The following KCNQ5 variants were observed in gnomAD, a reference collection of about 807,000 sequenced individuals.
KCNQ5 encodes the protein potassium voltage-gated channel subfamily Q member 5.
Under a neutral mutation model 98.2 loss-of-function variants are expected in KCNQ5, and 30 were observed. The ratio of observed to expected loss-of-function variants is 0.31; its 90% confidence interval spans 0.23 to 0.41. KCNQ5 has a LOEUF of 0.41. Among genes scored for constraint, KCNQ5 ranks in the 10% least tolerant of loss-of-function variants. KCNQ5 has a pLI of 1.00. For missense variants in KCNQ5, 835 were observed against 1,182.5 expected, an observed-to-expected ratio of 0.71 and a Z score of 4.31; for synonymous variants, 458 against 449.4, an observed-to-expected ratio of 1.02 and a Z score of -0.24.
At chr6:73,187,935 C>T (rs78569208) in intron 11 of KCNQ5, among the ~76,000 whole-genome samples, 4,664 of 152,086 alleles carry the variant, frequency 0.031, 90 homozygotes, top group East Asian at 0.068. Flanking sequence ...AACATCCCAC[C>T]AAGAAAAAAT....
chr6:73,153,904 T>A (rs1387438559), intron 10 of KCNQ5, among the ~76,000 whole-genome samples: 6 of 147,634 alleles, frequency 4.1e-5, no homozygotes, highest in South Asian at 2.1e-4. Context: ...TCAATTCCAC[T>A]AAAAAAAAAA....
chr6:72,735,953 G>C (rs774415064), intron 1 of KCNQ5, among the ~76,000 whole-genome samples: 5 of 151,948 alleles, frequency 3.3e-5, no homozygotes, highest in Non-Finnish European at 5.9e-5. Context: ...TTTTATGGCA[G>C]AATGTGTATA....
chr6:72,954,671 A>T (rs1241640001), intron 1 of KCNQ5, among the ~76,000 whole-genome samples: 1 of 152,098 alleles, frequency 6.6e-6, no homozygotes, highest in Non-Finnish European at 1.5e-5. Context: ...GGGTGGCAGG[A>T]ATTTAAGTTG....
chr6:72,834,761 T>C (rs1023886965), intron 1 of KCNQ5, among the ~76,000 whole-genome samples: 3 of 152,130 alleles, frequency 2.0e-5, no homozygotes, highest in Non-Finnish European at 4.4e-5. Flanking sequence ...CATGCATGTG[T>C]AACTTCCATT....
intron 1 of KCNQ5, among the ~76,000 whole-genome samples, chr6:72,832,487 G>A (rs1428545082): frequency 1.3e-5 from 2 of 152,062 alleles, no homozygotes; most frequent in Non-Finnish European, 2.9e-5. Context: ...TCATGCACGG[G>A]ACAGCCCCAC....
intron 1 of KCNQ5, among the ~76,000 whole-genome samples, chr6:72,867,793 A>G (rs564097170): frequency 6.6e-6 from 1 of 151,828 alleles, no homozygotes; most frequent in East Asian, 1.9e-4. Flanking sequence ...AAATTAACCA[A>G]GTACAGTGGG....
chr6:72,632,092 C>T (rs929244994), intron 1 of KCNQ5, among the ~76,000 whole-genome samples: 1 of 151,806 alleles, frequency 6.6e-6, no homozygotes, highest in Non-Finnish European at 1.5e-5. Flanking sequence ...TATTTTATTT[C>T]CTTTACTTTG....
intron 1 of KCNQ5, among the ~76,000 whole-genome samples, chr6:72,820,217 C>T (rs4615346): frequency 6.6e-6 from 1 of 152,006 alleles, no homozygotes; most frequent in East Asian, 1.9e-4. Context: ...GAGGACCTCA[C>T]GGTTCCAATT....
chr6:73,132,639 T>G (rs1776281527), intron 9 of KCNQ5, among the ~76,000 whole-genome samples: 1 of 152,224 alleles, frequency 6.6e-6, no homozygotes, highest in African/African-American at 2.4e-5. Context: ...CCACAACAAT[T>G]TGATCTTAGC....
At chr6:72,916,658 C>T (rs985115140) in intron 1 of KCNQ5, among the ~76,000 whole-genome samples, 8 of 152,258 alleles carry the variant, frequency 5.3e-5, no homozygotes, top group East Asian at 1.9e-4. Context: ...GTCAGTTCCA[C>T]GGGGGTAGAA....
intron 3 of KCNQ5, among the ~76,000 whole-genome samples, chr6:73,060,784 T>C (rs1330819194): frequency 6.6e-6 from 1 of 152,094 alleles, no homozygotes; most frequent in Non-Finnish European, 1.5e-5. Flanking sequence ...ACATACCCAG[T>C]CTCACTCATA....
At chr6:72,985,033 T>A (rs965069022) in intron 1 of KCNQ5, among the ~76,000 whole-genome samples, 2 of 152,108 alleles carry the variant, frequency 1.3e-5, no homozygotes, top group African/African-American at 2.4e-5. Context: ...AGTGAGACTG[T>A]CACTACAAAA....
At chr6:72,813,696 A>AG (rs1775358863) in intron 1 of KCNQ5, among the ~76,000 whole-genome samples, 1 of 152,190 alleles carries the variant, frequency 6.6e-6, no homozygotes, top group Non-Finnish European at 1.5e-5. Flanking sequence ...CCGATATAAA[A>AG]TAGTGTAGTA....
At chr6:72,986,625 C>T in intron 1 of KCNQ5, 1 of 698,270 alleles carries the variant, frequency 1.4e-6, no homozygotes, top group Non-Finnish European at 2.6e-6. Context: ...ACGCTGCGTG[C>T]CAGACGGTCA....
At chr6:72,724,692 G>A (rs1561943516) in intron 1 of KCNQ5, among the ~76,000 whole-genome samples, 1 of 152,050 alleles carries the variant, frequency 6.6e-6, no homozygotes, top group African/African-American at 2.4e-5. Flanking sequence ...TCCCTCCTTG[G>A]CCACTGTGCA....
At chr6:73,034,876 C>T (rs1258348779) in intron 2 of KCNQ5, among the ~76,000 whole-genome samples, 2 of 139,768 alleles carry the variant, frequency 1.4e-5, no homozygotes, top group South Asian at 2.3e-4. Flanking sequence ...GACAGTATCT[C>T]GCTCTGTTGC....
intron 1 of KCNQ5, among the ~76,000 whole-genome samples, chr6:72,748,998 C>G (rs1197590323): frequency 6.6e-6 from 1 of 152,178 alleles, no homozygotes; most frequent in African/African-American, 2.4e-5. Flanking sequence ...GGTTCACCCA[C>G]TCCCTGACCA....
intron 1 of KCNQ5, among the ~76,000 whole-genome samples, chr6:72,703,662 G>A (rs1325838860): frequency 2.6e-5 from 4 of 152,194 alleles, no homozygotes; most frequent in Non-Finnish European, 4.4e-5. Flanking sequence ...TTTAGGTGGT[G>A]TAGACGTATG....
Position 72,857,425 on chromosome 6 carries a change from G to T in KCNQ5, c.399-146483G>T, listed in dbSNP as rs558110626. Among the ~76,000 whole-genome samples, 19 of 152,046 alleles carry T rather than the reference G, an allele frequency of 1.2e-4. No homozygotes were observed. The East Asian group carries it at 2.7e-3, about 22-fold the overall frequency. On this transcript the variant is annotated intron_variant, in intron 1 of 13. Coordinates refer to ENST00000370398, the MANE Select transcript of KCNQ5 (RefSeq NM_019842.4). ...AGTTTCAATTTTCAGGCATTTTCAT[G>T]GTCCCATTTTACTGTGCAAAGACTG... is the stretch of plus-strand genomic sequence containing the variant.
Sources: allele counts gnomAD v4.1 joint callset (sites outside exome capture counted in the v4.1 genomes callset), GRCh38; gene constraint gnomAD v4.1.1; transcripts MANE v1.5; gene names NCBI Gene and HGNC (gene_info 2026-07-23, HGNC 2026-07-21).